The following CRY2 variants were observed in gnomAD, a reference collection of about 807,000 sequenced individuals.
CRY2 encodes cryptochrome-2.
In CRY2, 31 loss-of-function variants were observed where a neutral mutation model predicts 69.5. That is an observed-to-expected ratio of 0.45 (90% CI 0.34 to 0.60). The LOEUF is 0.60. CRY2 is among the 20% of genes least tolerant of loss of function. The probability of loss-of-function intolerance (pLI) is 0.02; values close to 1 mark genes in which losing one functional copy is unlikely to be tolerated. For missense variants in CRY2, 606 were observed against 797.8 expected (o/e 0.76, Z 2.90); for synonymous variants, 303 against 312.2 (o/e 0.97, Z 0.31).
At chr11:45,866,330 A>G (rs1212903018) in intron 5 of CRY2, among the ~76,000 whole-genome samples, 3 of 152,180 alleles carry the variant, frequency 2.0e-5, no homozygotes, top group African/African-American at 7.2e-5. Context: ...TTGCTGAGGC[A>G]CACAGTTGAG....
chr11:45,878,481 T>C (rs1286014207), intron 11 of CRY2, among the ~76,000 whole-genome samples: 1 of 152,250 alleles, frequency 6.6e-6, no homozygotes, highest in Non-Finnish European at 1.5e-5. Context: ...GAGAGAGCCC[T>C]GTGTGTGGAG....
chr11:45,847,812 A>T (rs2086163761), intron 1 of CRY2, 107 bp downstream of exon 1: 11 of 1,380,864 alleles, frequency 8.0e-6, no homozygotes, highest in Non-Finnish European at 1.1e-5. Context: ...GGAAGGCCAG[A>T]GGGGAGAAGC....
rs1231655474 is a variant in CRY2, at chr11:45,867,765, T to A, written c.882+13T>A. ...CCTGTATAAAAAGGTAAGGGGGACA[T>A]ACCTGCCCACATTGCACCTAAGGCC... On this transcript the variant is annotated intron_variant, in intron 6 of 11. Coordinates refer to ENST00000616080, the MANE Select transcript of CRY2 (RefSeq NM_021117.5). 1 of 1,614,112 alleles carries A rather than the reference T, an allele frequency of 6.2e-7. No individual in the cohort carries two copies. Among genetic ancestry groups the A allele is most frequent in the Non-Finnish European group, 8.5e-7 (1 of 1,180,014 alleles).
intron 11 of CRY2, among the ~76,000 whole-genome samples, chr11:45,878,901 A>G (rs1210975656): frequency 7.2e-6 from 1 of 138,332 alleles, no homozygotes; most frequent in Non-Finnish European, 1.5e-5. Flanking sequence ...CCTGGGCAAC[A>G]GAACAAGACT....
At chr11:45,868,588 G>A (rs1423540329) in intron 6 of CRY2, among the ~76,000 whole-genome samples, 1 of 152,066 alleles carries the variant, frequency 6.6e-6, no homozygotes, top group Non-Finnish European at 1.5e-5. Context: ...CACAGTGCTG[G>A]GATTACAGCC....
chr11:45,847,526 C>G lies in CRY2; in HGVS notation c.36C>G (p.Ala12=). The change falls in exon 1 of 12, where the codon GCC becomes GCG. Residue 12 remains alanine (A), a synonymous_variant. Transcript: ENST00000616080. The part of the protein sequence containing the change: ...AATVATAAAV[A]PAPAPGTDSA... ...CTGTGGCGACGGCGGCAGCTGTGGC[C>G]CCGGCGCCAGCGCCCGGCACGGACA... 6.3e-7 allele frequency: 1 copy of G among 1,587,878 alleles called. No individual in the cohort carries two copies. The highest frequency in any genetic ancestry group is 1.1e-5 in the South Asian group (1 of 88,648).
At position 45,858,887 on chromosome 11, in the gene CRY2, C is replaced by T. The variant is rs375303502; in HGVS notation, c.467+14C>T. 3 of 1,610,252 alleles carry T rather than the reference C, an allele frequency of 1.9e-6. No homozygotes were observed. The highest frequency in any genetic ancestry group is 1.3e-5 in the African/African-American group (1 of 74,710). Reference sequence around the variant, plus strand: ...TGACCTGGACAGGTAAGAGATGGGGCCCAGGGATCAGGTTACCAATTGTGA... The same window carrying T: ...TGACCTGGACAGGTAAGAGATGGGGTCCAGGGATCAGGTTACCAATTGTGA... On this transcript the variant is annotated intron_variant, in intron 3 of 11. Transcript: ENST00000616080.
chr11:45,856,211 C>T (rs1590762755), intron 2 of CRY2, 121 bp downstream of exon 2: 3 of 855,390 alleles, frequency 3.5e-6, no homozygotes, highest in South Asian at 3.4e-5. Context: ...CTGGCTGTTG[C>T]TGCTAGAGAA....
intron 2 of CRY2, chr11:45,856,429 C>A: frequency 5.4e-6 from 1 of 183,768 alleles, no homozygotes. Flanking sequence ...CCTTCTAGGC[C>A]AAGACTTTGA....
At chr11:45,875,015 G>A (rs901796611) in intron 11 of CRY2, among the ~76,000 whole-genome samples, 8 of 152,188 alleles carry the variant, frequency 5.3e-5, no homozygotes, top group Admixed American at 2.0e-4. Flanking sequence ...AAGTAAGGTC[G>A]GGGCACAGAA....
chr11:45,848,557 AC>A (rs1447548697), intron 1 of CRY2, among the ~76,000 whole-genome samples: 4 of 151,990 alleles, frequency 2.6e-5, no homozygotes, highest in African/African-American at 7.3e-5. Context: ...CCCTCTGATG[AC>A]CCCCCAGGAG....
At chr11:45,874,301 G>A (rs1009558827) in intron 11 of CRY2, among the ~76,000 whole-genome samples, 3 of 152,004 alleles carry the variant, frequency 2.0e-5, no homozygotes, top group Non-Finnish European at 4.4e-5. Flanking sequence ...AAGATTAAAT[G>A]TGTATGTGTC....
intron 11 of CRY2, among the ~76,000 whole-genome samples, chr11:45,880,198 T>C (rs1040192679): frequency 6.6e-6 from 1 of 152,174 alleles, no homozygotes; most frequent in African/African-American, 2.4e-5. Flanking sequence ...CACAAACTTT[T>C]AATGGGACGC....
chr11:45,847,311 G>A, upstream of CRY2: 1 of 1,574,578 alleles, frequency 6.4e-7, no homozygotes, highest in South Asian at 1.2e-5. Flanking sequence ...GGCCTGTTCC[G>A]GCGCCTCTGG....
In CRY2 at chr11:45,872,090, A is replaced by G. The variant is rs2086387912; in HGVS notation, c.1643-2A>G. ...GTGACCCTTTGACACGCTTCCCTACAGGCCCAAGACCACTACCCAGTGGCC... is the reference window on the plus strand; with the variant it reads ...GTGACCCTTTGACACGCTTCCCTACGGGCCCAAGACCACTACCCAGTGGCC... On this transcript the variant is annotated splice_acceptor_variant, in intron 10 of 11. Transcript: ENST00000616080. LOFTEE classifies it high-confidence loss of function. 6.2e-7 allele frequency: 1 copy of G among 1,613,964 alleles called. No individual in the cohort carries two copies. The highest frequency in any genetic ancestry group is 8.5e-7 in the Non-Finnish European group (1 of 1,179,896).
intron 5 of CRY2, among the ~76,000 whole-genome samples, chr11:45,865,270 TG>T (rs1001365553): frequency 7.2e-5 from 11 of 152,072 alleles, no homozygotes; most frequent in African/African-American, 2.7e-4. Context: ...TTGCATATAC[TG>T]GGGGGCAGGA....
intron 11 of CRY2, among the ~76,000 whole-genome samples, chr11:45,877,912 G>A (rs2086436346): frequency 6.6e-6 from 1 of 152,214 alleles, no homozygotes. Flanking sequence ...CTAAACCTTG[G>A]TTTTCTGCAT....
At position 45,882,565 on chromosome 11, in the gene CRY2, T is replaced by C; in HGVS notation, c.*1654T>C. 7.5e-6 allele frequency: 3 copies of C among 399,052 alleles called. No individual in the cohort carries two copies. Among genetic ancestry groups the C allele is most frequent in the Non-Finnish European group, 1.3e-5 (3 of 226,076 alleles). The allele number at this position is 399,052 out of a possible 1,614,324, so 24.7% of individuals were successfully genotyped here. A position where few individuals can be genotyped will look rare whatever the true frequency, so the allele number is the denominator to read the frequency against. ...AGGTTTTCTCAGCCAGAGAGCTGCC[T>C]TTAGAGTCCAACTGTTGTACGTATG... On this transcript the variant is annotated 3_prime_UTR_variant, in exon 12 of 12. Coordinates refer to ENST00000616080, the MANE Select transcript of CRY2 (RefSeq NM_021117.5).
At chr11:45,864,712 A>G (rs914437356) in intron 5 of CRY2, among the ~76,000 whole-genome samples, 8 of 152,142 alleles carry the variant, frequency 5.3e-5, no homozygotes, top group African/African-American at 1.9e-4. Context: ...TACTAAAAAT[A>G]CAAAAACTAG....
Sources: allele counts gnomAD v4.1 joint callset (sites outside exome capture counted in the v4.1 genomes callset), GRCh38; gene constraint gnomAD v4.1.1; transcripts MANE v1.5; gene names NCBI Gene and HGNC (gene_info 2026-07-23, HGNC 2026-07-21).